ASIC2: variants seen among roughly 807,000 people sequenced by gnomAD.
ASIC2 encodes the protein acid-sensing ion channel 2.
ASIC2 carries 25 observed loss-of-function variants against 57.3 expected under a neutral mutation model. The ratio of observed to expected loss-of-function variants is 0.44; its 90% CI spans 0.32 to 0.61. The LOEUF is 0.61. Ranked by LOEUF, ASIC2 falls within the 20% of genes least tolerant of loss-of-function variation. The pLI, the probability that ASIC2 is intolerant of heterozygous loss-of-function variation, is 0.06. For missense variants in ASIC2, 641 were observed against 738.1 expected (o/e 0.87, Z 1.52); for synonymous variants, 319 against 307.5 (o/e 1.04, Z -0.39).
chr17:33,428,800 G>A (rs1260158505), intron 1 of ASIC2, among the ~76,000 whole-genome samples: 1 of 152,088 alleles, frequency 6.6e-6, no homozygotes, highest in African/African-American at 2.4e-5. Context: ...TCCAGACCAC[G>A]TTCCTGTCTC....
At chr17:33,246,628 C>T (rs1487421461) in intron 1 of ASIC2, among the ~76,000 whole-genome samples, 1 of 152,180 alleles carries the variant, frequency 6.6e-6, no homozygotes, top group Non-Finnish European at 1.5e-5. Flanking sequence ...CCCTCCTGAG[C>T]TAAGTGCAAG....
intron 3 of ASIC2, among the ~76,000 whole-genome samples, chr17:33,055,476 T>C (rs1009393903): frequency 3.3e-5 from 5 of 152,196 alleles, no homozygotes; most frequent in African/African-American, 1.2e-4. Flanking sequence ...TGGCTGAATT[T>C]TCTGATGAGC....
intron 1 of ASIC2, among the ~76,000 whole-genome samples, chr17:33,491,438 T>C (rs1393325592): frequency 1.3e-5 from 2 of 152,216 alleles, no homozygotes; most frequent in African/African-American, 4.8e-5. Flanking sequence ...TCGAAAACTT[T>C]CCATACATTG....
rs2091856872 is a variant in ASIC2, at chr17:33,025,848, C to G, written c.1195+78G>C. Reference sequence around the variant, plus strand: ...CATTCCTTCTTCCACTTGATCTTTCCCCAAACCCAGATGATTTCCATGATC... The same window carrying G: ...CATTCCTTCTTCCACTTGATCTTTCGCCAAACCCAGATGATTTCCATGATC... On this transcript the variant is annotated intron_variant, in intron 5 of 9. Coordinates refer to ENST00000225823, the MANE Select transcript of ASIC2 (RefSeq NM_183377.2). The G allele has an allele frequency of 2.8e-6, 4 of 1,410,148 alleles. No homozygotes were observed. In the African/African-American group the frequency reaches 4.4e-5, roughly 15 times the overall value. The allele number at this position is 1,410,148 out of a possible 1,614,324, so 87.4% of individuals were successfully genotyped here. A position where few individuals can be genotyped will look rare whatever the true frequency, so the allele number is the denominator to read the frequency against.
chr17:33,290,558 A>T (rs561975011), intron 1 of ASIC2: 1 of 152,416 alleles, frequency 6.6e-6, no homozygotes, highest in South Asian at 2.1e-4. Flanking sequence ...CGGCACAGCA[A>T]ATGGTTTACA....
intron 1 of ASIC2, among the ~76,000 whole-genome samples, chr17:33,235,956 C>A (rs1266245470): frequency 3.3e-5 from 5 of 152,058 alleles, no homozygotes; most frequent in Non-Finnish European, 7.4e-5. Flanking sequence ...CCTGCCTCAG[C>A]CTCCCGAGTA....
rs1292039650 is a variant in ASIC2, at chr17:33,200,093, T to A, written c.709-88026A>T. ...CTTCCTGAATAGCTCCTTTTACCCT[T>A]AGGGGAAGCTGAGGGGTCCTCTCTA... On this transcript the variant is annotated intron_variant, in intron 1 of 9. Coordinates refer to ENST00000225823, the MANE Select transcript of ASIC2 (RefSeq NM_183377.2). Among the ~76,000 whole-genome samples the A allele has an allele frequency of 1.3e-5, 2 of 152,162 alleles. 1 individual carries two copies. The highest frequency in any genetic ancestry group is 1.3e-4 in the Admixed American group (2 of 15,280).
chr17:33,276,472 T>C (rs1230036781), intron 1 of ASIC2, among the ~76,000 whole-genome samples: 1 of 152,206 alleles, frequency 6.6e-6, no homozygotes, highest in Non-Finnish European at 1.5e-5. Context: ...TAAGTAGCAA[T>C]ATGCTGCTCA....
At chr17:34,087,935 A>G (rs1281166611) in intron 1 of ASIC2, among the ~76,000 whole-genome samples, 1 of 152,150 alleles carries the variant, frequency 6.6e-6, no homozygotes, top group African/African-American at 2.4e-5. Context: ...CTAGTTATAC[A>G]TTCTTCTAAA....
intron 1 of ASIC2, among the ~76,000 whole-genome samples, chr17:33,967,427 G>GT (rs1905106446): frequency 3.9e-5 from 6 of 152,042 alleles, no homozygotes; most frequent in Admixed American, 3.3e-4. Context: ...GAAAGACGTG[G>GT]TTTCTCCACA....
intron 1 of ASIC2, among the ~76,000 whole-genome samples, chr17:33,399,708 T>C (rs1416467126): frequency 3.3e-5 from 5 of 152,182 alleles, no homozygotes; most frequent in Non-Finnish European, 7.3e-5. Flanking sequence ...CCCAGCCTCC[T>C]GGCATTTCTG....
chr17:33,607,791 A>C (rs894198912), intron 1 of ASIC2, among the ~76,000 whole-genome samples: 1 of 152,158 alleles, frequency 6.6e-6, no homozygotes, highest in Non-Finnish European at 1.5e-5. Flanking sequence ...GCTGAGAATG[A>C]GGCTACCTGT....
chr17:33,469,360 G>T lies in ASIC2; in HGVS notation c.556-357293C>A, dbSNP rs537921965. Among the ~76,000 whole-genome samples the T allele has an allele frequency of 2.6e-5, 4 of 152,288 alleles. No homozygotes were observed. The South Asian group carries it at 8.3e-4, about 32-fold the overall frequency. ...ATGAGGAATGGGGCAGTAGGCAGGG[G>T]TCCTGACCTGGCCTGTGCAGCTGGG... is the stretch of plus-strand genomic sequence containing the variant. On this transcript the variant is annotated intron_variant, in intron 1 of 9. Coordinates refer to the ASIC2 transcript ENST00000359872.
intron 1 of ASIC2, among the ~76,000 whole-genome samples, chr17:33,258,041 GA>G (rs1163180934): frequency 6.6e-6 from 1 of 152,180 alleles, no homozygotes; most frequent in Non-Finnish European, 1.5e-5. Flanking sequence ...CAAGTTATAT[GA>G]TTTTTTATGT....
intron 1 of ASIC2, among the ~76,000 whole-genome samples, chr17:33,181,460 C>T (rs965721095): frequency 6.6e-6 from 1 of 152,134 alleles, no homozygotes; most frequent in African/African-American, 2.4e-5. Context: ...TTCTTGAGCA[C>T]AGAAGTCAGA....
At chr17:33,876,149 T>C (rs1914542121) in intron 1 of ASIC2, among the ~76,000 whole-genome samples, 1 of 152,320 alleles carries the variant, frequency 6.6e-6, no homozygotes, top group Middle Eastern at 3.4e-3. Context: ...TCTTTGTACC[T>C]CTGCATTTTC....
intron 1 of ASIC2, chr17:33,954,913 T>A (rs1399443445): frequency 1.3e-5 from 2 of 152,310 alleles, no homozygotes; most frequent in Middle Eastern, 3.4e-3. Context: ...AAACCCTAAA[T>A]AGACTGAAAT....
intron 1 of ASIC2, among the ~76,000 whole-genome samples, chr17:33,493,223 G>C (rs1231758745): frequency 6.6e-6 from 1 of 152,214 alleles, no homozygotes; most frequent in East Asian, 1.9e-4. Flanking sequence ...GCTGGGCTTA[G>C]TCTTCACCTT....
intron 1 of ASIC2, among the ~76,000 whole-genome samples, chr17:33,772,725 T>C (rs1402022443): frequency 1.3e-5 from 2 of 152,208 alleles, no homozygotes; most frequent in South Asian, 2.1e-4. Flanking sequence ...ACCAGGCACT[T>C]GACTCTTTAT....
Sources: allele counts gnomAD v4.1 joint callset (sites outside exome capture counted in the v4.1 genomes callset), GRCh38; gene constraint gnomAD v4.1.1; transcripts MANE v1.5; gene names NCBI Gene and HGNC (gene_info 2026-07-23, HGNC 2026-07-21).